MAGI2: variants seen among roughly 807,000 people sequenced by gnomAD.
MAGI2 encodes the protein membrane associated guanylate kinase, WW and PDZ domain containing 2.
In MAGI2, 35 loss-of-function variants were observed where a neutral mutation model predicts 133.3. The observed-to-expected ratio is 0.26, with a 90% CI of 0.20 to 0.35. The LOEUF is 0.35. Among genes scored for constraint, MAGI2 ranks in the 10% least tolerant of loss-of-function variants. The pLI is 1.00. For missense variants in MAGI2, 1,636 were observed against 1,863.4 expected (o/e 0.88, Z 2.25); for synonymous variants, 729 against 710.6 (o/e 1.03, Z -0.41).
chr7:78,599,089 C>T (rs1199659329), intron 3 of MAGI2, among the ~76,000 whole-genome samples: 1 of 152,148 alleles, frequency 6.6e-6, no homozygotes, highest in Non-Finnish European at 1.5e-5. Context: ...TTATCATTTA[C>T]ATGCACTTCT....
At chr7:79,014,118 T>A (rs1411352156) in intron 1 of MAGI2, among the ~76,000 whole-genome samples, 2 of 152,204 alleles carry the variant, frequency 1.3e-5, no homozygotes, top group African/African-American at 4.8e-5. Context: ...AAGAGAATAA[T>A]TGCTATTTCA....
intron 2 of MAGI2, among the ~76,000 whole-genome samples, chr7:78,691,271 T>C (rs1816927046): frequency 6.6e-6 from 1 of 152,202 alleles, no homozygotes; most frequent in Admixed American, 6.5e-5. Context: ...TCTGTTATTG[T>C]CTCTTGACAT....
At chr7:78,571,014 A>C (rs890439643) in intron 3 of MAGI2, among the ~76,000 whole-genome samples, 1 of 152,238 alleles carries the variant, frequency 6.6e-6, no homozygotes, top group African/African-American at 2.4e-5. Context: ...TTGAGTAAAT[A>C]AAATTGCTCA....
intron 20 of MAGI2, among the ~76,000 whole-genome samples, chr7:78,087,052 T>A (rs1816723056): frequency 6.6e-6 from 1 of 152,184 alleles, no homozygotes; most frequent in African/African-American, 2.4e-5. Context: ...AAATCCTACT[T>A]ATCTTTTAGG....
intron 21 of MAGI2, among the ~76,000 whole-genome samples, chr7:78,066,001 G>T (rs1186171718): frequency 6.6e-6 from 1 of 152,118 alleles, no homozygotes; most frequent in Non-Finnish European, 1.5e-5. Context: ...ATAATAATGA[G>T]ATGTTTTAGG....
At chr7:79,289,243 T>C (rs749168855) in intron 1 of MAGI2, among the ~76,000 whole-genome samples, 1 of 152,166 alleles carries the variant, frequency 6.6e-6, no homozygotes, top group Non-Finnish European at 1.5e-5. Flanking sequence ...AGCTTCTCAT[T>C]AAGCTCTGCT....
intron 1 of MAGI2, among the ~76,000 whole-genome samples, chr7:79,416,074 T>C (rs1264176912): frequency 1.3e-5 from 2 of 152,144 alleles, no homozygotes; most frequent in African/African-American, 2.4e-5. Flanking sequence ...AATGAGTCCA[T>C]AGAGCTTGCT....
chr7:78,931,314 A>T (rs954624983), intron 2 of MAGI2, among the ~76,000 whole-genome samples: 12 of 152,088 alleles, frequency 7.9e-5, no homozygotes, highest in African/African-American at 2.7e-4. Context: ...AGTCGACATT[A>T]CCACTGTACA....
chr7:79,149,771 A>T (rs779496168), intron 1 of MAGI2, among the ~76,000 whole-genome samples: 4 of 152,172 alleles, frequency 2.6e-5, no homozygotes, highest in Non-Finnish European at 4.4e-5. Flanking sequence ...CAGTAAGGAC[A>T]CAAGGTTTCT....
chr7:78,620,026 T>C (rs1191277794), intron 3 of MAGI2, among the ~76,000 whole-genome samples: 1 of 151,918 alleles, frequency 6.6e-6, no homozygotes, highest in African/African-American at 2.4e-5. Flanking sequence ...GTGCCAAGAA[T>C]CTACTGCTGT....
chr7:78,294,862 A>ATAGT (rs781643336), intron 9 of MAGI2, among the ~76,000 whole-genome samples: 8 of 152,170 alleles, frequency 5.3e-5, no homozygotes, highest in Non-Finnish European at 1.0e-4. Context: ...TTTCGGTACA[A>ATAGT]TAGTTACTGA....
intron 1 of MAGI2, among the ~76,000 whole-genome samples, chr7:79,026,106 A>G (rs185496666): frequency 3.3e-5 from 5 of 152,338 alleles, no homozygotes; most frequent in African/African-American, 1.2e-4. Flanking sequence ...ACTTTTAGAC[A>G]TCTGAGGCTA....
chr7:78,662,702 T>C (rs936434926), intron 2 of MAGI2, among the ~76,000 whole-genome samples: 1 of 152,184 alleles, frequency 6.6e-6, no homozygotes, highest in African/African-American at 2.4e-5. Flanking sequence ...TAAGGTTTCA[T>C]AAAATAAAAT....
intron 9 of MAGI2, among the ~76,000 whole-genome samples, chr7:78,338,179 A>G (rs1789974006): frequency 6.6e-6 from 1 of 152,126 alleles, no homozygotes; most frequent in African/African-American, 2.4e-5. Flanking sequence ...CATCTTTACC[A>G]CTTATGATGA....
In MAGI2 at chr7:78,569,945, G is replaced by A. The variant is rs899653581; in HGVS notation, c.539-48300C>T. ...TTGCTCAGCAATTTGTTTTTGATAT[G>A]ATTCTTTGTTTTTGTGGATAGTAAT... is the stretch of plus-strand genomic sequence containing the variant. On this transcript the variant is annotated intron_variant, in intron 3 of 21. Coordinates refer to ENST00000354212, the MANE Select transcript of MAGI2 (RefSeq NM_012301.4). Among the ~76,000 whole-genome samples the A allele has an allele frequency of 1.3e-4, 20 of 152,276 alleles. 1 individual carries two copies. The highest frequency in any genetic ancestry group is 4.8e-4 in the African/African-American group (20 of 41,578).
chr7:78,844,834 C>CA (rs149994891), intron 2 of MAGI2, among the ~76,000 whole-genome samples: 20,281 of 151,290 alleles, frequency 0.13, 1,408 homozygotes, highest in Middle Eastern at 0.17. Flanking sequence ...TAAAAATAAA[C>CA]AAAAAAAATC....
intron 6 of MAGI2, among the ~76,000 whole-genome samples, chr7:78,447,757 C>A (rs1024405966): frequency 6.6e-6 from 1 of 152,196 alleles, no homozygotes; most frequent in Non-Finnish European, 1.5e-5. Flanking sequence ...GCCATTCTGG[C>A]AGGTACCTAA....
chr7:78,363,412 G>A (rs1793038415), intron 7 of MAGI2, among the ~76,000 whole-genome samples: 1 of 152,038 alleles, frequency 6.6e-6, no homozygotes, highest in Non-Finnish European at 1.5e-5. Context: ...AGAATGGCGC[G>A]AACCCGGGAG....
chr7:79,389,633 T>C (rs916708694), intron 1 of MAGI2, among the ~76,000 whole-genome samples: 1 of 152,130 alleles, frequency 6.6e-6, no homozygotes, highest in African/African-American at 2.4e-5. Context: ...TAAAAGCTTT[T>C]CCCAGATATC....
Sources: gnomAD v4.1 joint callset for allele counts (sites outside exome capture counted in the v4.1 genomes callset) on GRCh38, gnomAD v4.1.1 for gene constraint, MANE v1.5 for transcripts, NCBI Gene and HGNC (gene_info 2026-07-23, HGNC 2026-07-21) for gene names.